PEBP4: variants seen among roughly 807,000 people sequenced by gnomAD.
PEBP4 encodes the protein phosphatidylethanolamine-binding protein 4.
Under a neutral mutation model 23.9 loss-of-function variants are expected in PEBP4, and 22 were observed. That is an observed-to-expected ratio of 0.92 (90% CI 0.66 to 1.31). The LOEUF (loss-of-function observed/expected upper bound fraction) is 1.31, where lower values mean the gene tolerates loss of function less well. Among genes scored for constraint, PEBP4 ranks in the 40% most tolerant of loss-of-function variants. The pLI is 0.00. For synonymous variants in PEBP4, 112 were observed against 99.3 expected (o/e 1.13, Z -0.76); for missense variants, 324 against 281.7 (o/e 1.15, Z -1.07).
Position 22,925,060 on chromosome 8 carries a change from G to C in PEBP4, c.131+2524C>G, listed in dbSNP as rs370644522. ...AGCCGAGTGGGGATCTTGAGGAGGGGTCAGTGCAGGAGGTCCTGCTGTCTC... is the reference window on the plus strand; with the variant it reads ...AGCCGAGTGGGGATCTTGAGGAGGGCTCAGTGCAGGAGGTCCTGCTGTCTC... On this transcript the variant is annotated intron_variant, in intron 2 of 6. Coordinates refer to ENST00000256404, the MANE Select transcript of PEBP4 (RefSeq NM_144962.3). 2,864 of 985,358 alleles carry C rather than the reference G, an allele frequency of 2.9e-3. 14 individuals carry two copies. The highest frequency in any genetic ancestry group is 0.02 in the Middle Eastern group (38 of 1,914). The allele number at this position is 985,358 out of a possible 1,614,324, so 61.0% of individuals were successfully genotyped here.
intron 4 of PEBP4, among the ~76,000 whole-genome samples, chr8:22,754,231 T>C (rs985420758): frequency 7.2e-5 from 11 of 152,168 alleles, no homozygotes; most frequent in African/African-American, 2.7e-4. Flanking sequence ...TCCCTCCTGG[T>C]GCTTCCAGTA....
intron 4 of PEBP4, among the ~76,000 whole-genome samples, chr8:22,806,920 G>A (rs549885454): frequency 1.3e-5 from 2 of 152,202 alleles, no homozygotes; most frequent in African/African-American, 2.4e-5. Context: ...AGAAATCTGA[G>A]TGGTCAGGCA....
intron 3 of PEBP4, among the ~76,000 whole-genome samples, chr8:22,821,083 C>CTCGGGAGGCTGAAGTGGAAGGA (rs1324407110): frequency 1.3e-5 from 2 of 152,022 alleles, no homozygotes; most frequent in Non-Finnish European, 2.9e-5. Flanking sequence ...GTTCCAGCTA[C>CTCGGGAGGCTGAAGTGGAAGGA]TCGGGAGGCT....
intron 4 of PEBP4, among the ~76,000 whole-genome samples, chr8:22,795,908 C>T (rs558107313): frequency 3.6e-4 from 55 of 152,144 alleles, no homozygotes; most frequent in Admixed American, 6.5e-4. Flanking sequence ...GTGTGTGCTT[C>T]TAAGTGTCAA....
intron 3 of PEBP4, among the ~76,000 whole-genome samples, chr8:22,889,173 C>T (rs1337705033): frequency 6.6e-6 from 1 of 152,218 alleles, no homozygotes; most frequent in Non-Finnish European, 1.5e-5. Context: ...CTTCTGAGAG[C>T]CTGAGTTTGC....
intron 3 of PEBP4, among the ~76,000 whole-genome samples, chr8:22,845,128 C>T (rs1807403007): frequency 6.6e-6 from 1 of 152,194 alleles, no homozygotes; most frequent in Non-Finnish European, 1.5e-5. Flanking sequence ...CATGCATCCC[C>T]TATATCAGCC....
intron 3 of PEBP4, among the ~76,000 whole-genome samples, chr8:22,900,485 C>T (rs1266500818): frequency 1.3e-5 from 2 of 151,994 alleles, no homozygotes. Context: ...CCTGTCTCTA[C>T]TAAAAATACA....
intron 4 of PEBP4, among the ~76,000 whole-genome samples, chr8:22,809,838 C>T (rs939513061): frequency 6.6e-6 from 1 of 152,168 alleles, no homozygotes. Context: ...GTATCTGTGG[C>T]CAGGAGAGAC....
At chr8:22,790,299 G>A (rs1378765084) in intron 4 of PEBP4, among the ~76,000 whole-genome samples, 2 of 152,224 alleles carry the variant, frequency 1.3e-5, no homozygotes, top group African/African-American at 4.8e-5. Context: ...AGTCCAGAGT[G>A]GGGGCAGAGA....
chr8:22,741,992 C>T (rs1473313989), intron 4 of PEBP4, among the ~76,000 whole-genome samples: 1 of 152,168 alleles, frequency 6.6e-6, no homozygotes. Flanking sequence ...GCTCCCCAGG[C>T]CTCCCTATCT....
chr8:22,730,276 C>G (rs546471522), intron 4 of PEBP4, among the ~76,000 whole-genome samples: 1 of 152,364 alleles, frequency 6.6e-6, no homozygotes, highest in Non-Finnish European at 1.5e-5. Flanking sequence ...ACAGCTCACA[C>G]CTGTAATCCC....
chr8:22,907,839 AG>A lies in PEBP4; in HGVS notation c.258+12344del, dbSNP rs541990641. ...GGTTAGGAGGCTGTTGCAATGACCC[AG>A]GTTGGGAGGATGGTGACCCTGGCCA... is the stretch of plus-strand genomic sequence containing the variant. On this transcript the variant is annotated intron_variant, in intron 3 of 6. Coordinates refer to ENST00000256404, the MANE Select transcript of PEBP4 (RefSeq NM_144962.3). Among the ~76,000 whole-genome samples, 14 of 152,242 alleles carry A rather than the reference AG, an allele frequency of 9.2e-5. No individual in the cohort carries two copies. The South Asian group carries it at 2.9e-3, about 32-fold the overall frequency.
At chr8:22,758,867 A>T (rs1805444447) in intron 4 of PEBP4, among the ~76,000 whole-genome samples, 1 of 152,178 alleles carries the variant, frequency 6.6e-6, no homozygotes, top group Non-Finnish European at 1.5e-5. Flanking sequence ...TTGCCTTGGA[A>T]GGGAGAGGCC....
At position 22,874,882 on chromosome 8, in the gene PEBP4, G is replaced by A. The variant is rs1808089103; in HGVS notation, c.258+45302C>T. Among the ~76,000 whole-genome samples, 4 of 152,044 alleles carry A rather than the reference G, an allele frequency of 2.6e-5. No homozygotes were observed. The South Asian group carries it at 6.2e-4, about 24-fold the overall frequency. On this transcript the variant is annotated intron_variant, in intron 3 of 6. Transcript: ENST00000256404. ...AGGCATCAGCTTTTCTGATTCTTTG[G>A]TATTTATGTGAAGAGCCATTGAAAT...
chr8:22,877,057 G>C (rs1415873533), intron 3 of PEBP4, among the ~76,000 whole-genome samples: 1 of 152,114 alleles, frequency 6.6e-6, no homozygotes, highest in Non-Finnish European at 1.5e-5. Flanking sequence ...TTATGATTTG[G>C]GTTTCAGGGA....
At chr8:22,767,047 C>T (rs1318571873) in intron 4 of PEBP4, among the ~76,000 whole-genome samples, 3 of 152,210 alleles carry the variant, frequency 2.0e-5, no homozygotes, top group Admixed American at 6.5e-5. Context: ...GACCTGCTTC[C>T]GGTTCCTCTT....
intron 4 of PEBP4, among the ~76,000 whole-genome samples, chr8:22,812,927 T>A (rs188039041): frequency 6.6e-6 from 1 of 152,278 alleles, no homozygotes; most frequent in Admixed American, 6.5e-5. Flanking sequence ...GAGTGAGGAT[T>A]TCTGTCAGTT....
At chr8:22,896,242 A>G (rs1808587268) in intron 3 of PEBP4, 1 of 152,260 alleles carries the variant, frequency 6.6e-6, no homozygotes, top group African/African-American at 2.4e-5. Context: ...GATCTGAACT[A>G]GAGAAATACA....
At chr8:22,914,413 G>A (rs1464187900) in intron 3 of PEBP4, among the ~76,000 whole-genome samples, 3 of 152,154 alleles carry the variant, frequency 2.0e-5, no homozygotes, top group African/African-American at 7.2e-5. Flanking sequence ...CACATACTGT[G>A]CCCAGCCCCT....
Sources: allele counts gnomAD v4.1 joint callset (sites outside exome capture counted in the v4.1 genomes callset), GRCh38; gene constraint gnomAD v4.1.1; transcripts MANE v1.5; gene names NCBI Gene and HGNC (gene_info 2026-07-23, HGNC 2026-07-21).